DSCAM: variants seen among roughly 807,000 people sequenced by gnomAD.
The protein encoded by DSCAM is DS cell adhesion molecule.
In DSCAM, 47 loss-of-function variants were observed where a neutral mutation model predicts 217.7. That is an observed-to-expected ratio of 0.22 (90% confidence interval 0.17 to 0.28). The LOEUF is 0.28. Ranked by LOEUF, DSCAM falls within the 10% of genes least tolerant of loss-of-function variation. The pLI is 1.00. For synonymous variants in DSCAM, 1,056 were observed against 1,015.3 expected, an observed-to-expected ratio of 1.04 and a Z score of -0.76; for missense variants, 2,080 against 2,618.3, an observed-to-expected ratio of 0.79 and a Z score of 4.49.
At chr21:40,578,666 T>G (rs1174811865) in intron 3 of DSCAM, among the ~76,000 whole-genome samples, 1 of 152,200 alleles carries the variant, frequency 6.6e-6, no homozygotes, top group Non-Finnish European at 1.5e-5. Flanking sequence ...CCACTCACTT[T>G]TTGGGTCCAC....
intron 1 of DSCAM, among the ~76,000 whole-genome samples, chr21:40,807,317 C>T (rs968237647): frequency 3.3e-4 from 51 of 152,354 alleles, no homozygotes; most frequent in African/African-American, 1.1e-3. Flanking sequence ...TGGCTTCTCA[C>T]ACCTGCATCC....
At chr21:40,182,368 A>C (rs2090815450) in intron 14 of DSCAM, among the ~76,000 whole-genome samples, 1 of 151,950 alleles carries the variant, frequency 6.6e-6, no homozygotes, top group African/African-American at 2.4e-5. Flanking sequence ...TGGGGTGTGC[A>C]CCTTCTGTGT....
In DSCAM at chr21:40,110,726, T is replaced by A. The variant is rs533942398; in HGVS notation, c.3696+13469A>T. On this transcript the variant is annotated intron_variant, in intron 20 of 32. Transcript: ENST00000400454. ...AATGCAGAGAAGTCCTTAAAGGACC[T>A]GATGGAGCTGAAAACCACAGCATGA... Among the ~76,000 whole-genome samples, 256 of 152,328 alleles carry A rather than the reference T, an allele frequency of 1.7e-3. 1 individual carries two copies. The highest frequency in any genetic ancestry group is 5.9e-3 in the African/African-American group (247 of 41,570).
chr21:40,388,789 G>A (rs542542041), intron 3 of DSCAM, among the ~76,000 whole-genome samples: 1 of 152,226 alleles, frequency 6.6e-6, no homozygotes, highest in South Asian at 2.1e-4. Flanking sequence ...TATTGGAGTA[G>A]GGTGGTATAA....
chr21:40,557,753 A>C (rs1257409971), intron 3 of DSCAM, among the ~76,000 whole-genome samples: 1 of 152,208 alleles, frequency 6.6e-6, no homozygotes, highest in Non-Finnish European at 1.5e-5. Flanking sequence ...TAAACTTTCC[A>C]GCCATCAGAA....
Position 40,363,129 on chromosome 21 carries a change from C to G in DSCAM, c.655+5970G>C, listed in dbSNP as rs147046639. 2.4e-4 allele frequency among the ~76,000 whole-genome samples: 36 copies of G among 152,104 alleles called. No homozygotes were observed. The East Asian group carries it at 6.6e-3, about 28-fold the overall frequency. On this transcript the variant is annotated intron_variant, in intron 4 of 32. Coordinates refer to ENST00000400454, the MANE Select transcript of DSCAM (RefSeq NM_001389.5). ...AGTAGTGAATTATATTTAAAAGAATCTACAATCTAGATGTTAGAGGGGCTT... is the reference window on the plus strand; with the variant it reads ...AGTAGTGAATTATATTTAAAAGAATGTACAATCTAGATGTTAGAGGGGCTT...
chr21:40,377,296 C>T (rs2074973113), intron 3 of DSCAM, among the ~76,000 whole-genome samples: 1 of 151,984 alleles, frequency 6.6e-6, no homozygotes, highest in Non-Finnish European at 1.5e-5. Flanking sequence ...AGGATGGTGC[C>T]CTGGCTTGCT....
At chr21:40,054,184 T>TCAAAAG (rs1453315757) in intron 29 of DSCAM, among the ~76,000 whole-genome samples, 1 of 152,066 alleles carries the variant, frequency 6.6e-6, no homozygotes, top group Non-Finnish European at 1.5e-5. Context: ...AAAAAGATAA[T>TCAAAAG]CAAAAGCAAA....
intron 1 of DSCAM, among the ~76,000 whole-genome samples, chr21:40,837,647 T>C (rs1256331619): frequency 6.6e-6 from 1 of 152,200 alleles, no homozygotes; most frequent in African/African-American, 2.4e-5. Context: ...GAAAGGAGGA[T>C]TCTGTCTGTT....
chr21:40,664,262 A>G (rs2090174626), intron 3 of DSCAM, among the ~76,000 whole-genome samples: 1 of 152,202 alleles, frequency 6.6e-6, no homozygotes, highest in Non-Finnish European at 1.5e-5. Flanking sequence ...GCATGGAAGG[A>G]GTAAGTGGGG....
chr21:40,602,242 T>C (rs758232383), intron 3 of DSCAM, among the ~76,000 whole-genome samples: 1 of 151,886 alleles, frequency 6.6e-6, no homozygotes, highest in Non-Finnish European at 1.5e-5. Flanking sequence ...TTGTATTTTT[T>C]GTAGAGACAG....
At chr21:40,063,443 G>A (rs751816304) in intron 27 of DSCAM, among the ~76,000 whole-genome samples, 4 of 151,270 alleles carry the variant, frequency 2.6e-5, no homozygotes, top group East Asian at 3.9e-4. Flanking sequence ...TACCAAGACC[G>A]GGTTACCACT....
At chr21:40,213,701 G>A (rs2091209893) in intron 11 of DSCAM, among the ~76,000 whole-genome samples, 1 of 152,178 alleles carries the variant, frequency 6.6e-6, no homozygotes, top group African/African-American at 2.4e-5. Flanking sequence ...TGTTAAGGAT[G>A]CCAGGGATGG....
intron 3 of DSCAM, among the ~76,000 whole-genome samples, chr21:40,435,078 C>T (rs971055134): frequency 6.6e-6 from 1 of 152,160 alleles, no homozygotes. Context: ...TGGTAGGGAG[C>T]GGACAAGATC....
At chr21:40,513,554 G>A (rs975991714) in intron 3 of DSCAM, among the ~76,000 whole-genome samples, 29 of 152,152 alleles carry the variant, frequency 1.9e-4, no homozygotes, top group African/African-American at 6.5e-4. Flanking sequence ...CCCAACCAGA[G>A]AAGGAGCAAG....
intron 11 of DSCAM, among the ~76,000 whole-genome samples, chr21:40,218,622 CT>C: frequency 6.6e-6 from 1 of 151,226 alleles, no homozygotes; most frequent in East Asian, 1.9e-4. Context: ...TATACATGAG[CT>C]TGGGATTTTT....
intron 3 of DSCAM, among the ~76,000 whole-genome samples, chr21:40,670,957 T>C (rs1259320961): frequency 6.6e-6 from 1 of 152,090 alleles, no homozygotes; most frequent in Non-Finnish European, 1.5e-5. Context: ...GAGAAAATAG[T>C]CTCCATTAAA....
intron 20 of DSCAM, among the ~76,000 whole-genome samples, chr21:40,113,769 C>T (rs916725715): frequency 1.3e-5 from 2 of 152,130 alleles, no homozygotes; most frequent in Non-Finnish European, 2.9e-5. Flanking sequence ...ATACCAATAA[C>T]AGACAAACAG....
chr21:40,212,868 GAGA>G (rs2091199349), intron 11 of DSCAM, among the ~76,000 whole-genome samples: 1 of 152,188 alleles, frequency 6.6e-6, no homozygotes, highest in African/African-American at 2.4e-5. Context: ...GACAGAAAAG[GAGA>G]AGGCACAGAG....
Sources: gnomAD v4.1 joint callset for allele counts (sites outside exome capture counted in the v4.1 genomes callset) on GRCh38, gnomAD v4.1.1 for gene constraint, MANE v1.5 for transcripts, NCBI Gene and HGNC (gene_info 2026-07-23, HGNC 2026-07-21) for gene names.